KCNIP1: variants seen among roughly 807,000 people sequenced by gnomAD.
KCNIP1 encodes the protein A-type potassium channel modulatory protein KCNIP1.
A neutral mutation model predicts 33.0 loss-of-function variants in KCNIP1; 18 were observed. The ratio of observed to expected loss-of-function variants is 0.55; its 90% CI spans 0.38 to 0.81. The LOEUF is 0.81. Among genes scored for constraint, KCNIP1 ranks in the 30% least tolerant of loss-of-function variants. The pLI, the probability that KCNIP1 is intolerant of heterozygous loss-of-function variation, is 0.00. For synonymous variants in KCNIP1, 93 were observed against 98.3 expected (o/e 0.95, Z 0.32); for missense variants, 238 against 271.6 (o/e 0.88, Z 0.87).
At chr5:170,673,362 T>G (rs1292152572) in intron 1 of KCNIP1, among the ~76,000 whole-genome samples, 1 of 152,216 alleles carries the variant, frequency 6.6e-6, no homozygotes, top group African/African-American at 2.4e-5. Context: ...ATCTGTTAAG[T>G]GAGAGTGGTG....
chr5:170,602,017 T>TGA (rs774227238), intron 1 of KCNIP1, among the ~76,000 whole-genome samples: 28 of 152,202 alleles, frequency 1.8e-4, no homozygotes, highest in South Asian at 1.2e-3. Flanking sequence ...CCCTCTGGGG[T>TGA]GAGGCAGGAG....
Position 170,629,686 on chromosome 5 carries a change from G to A in KCNIP1, c.62-89072G>A, listed in dbSNP as rs374575168. 6.2e-4 allele frequency among the ~76,000 whole-genome samples: 94 copies of A among 152,138 alleles called. 1 individual carries two copies. The South Asian group carries it at 0.016, about 27-fold the overall frequency. ...ATCAGCATTCAGGCCTGGCCCTGAC[G>A]CCCTCCTCTCTGGGCCACCTTCACC... is the stretch of plus-strand genomic sequence containing the variant. On this transcript the variant is annotated intron_variant, in intron 1 of 7. Transcript: ENST00000328939.
At chr5:170,580,073 T>A (rs1453501305) in intron 1 of KCNIP1, among the ~76,000 whole-genome samples, 2 of 152,084 alleles carry the variant, frequency 1.3e-5, no homozygotes, top group Non-Finnish European at 2.9e-5. Context: ...ATTTTCTGAG[T>A]CTTTAAGGAA....
chr5:170,557,235 G>A (rs1756874010), intron 1 of KCNIP1, among the ~76,000 whole-genome samples: 1 of 152,222 alleles, frequency 6.6e-6, no homozygotes, highest in Admixed American at 6.5e-5. Flanking sequence ...ACAAATTCAT[G>A]CATTTAAAGG....
intron 1 of KCNIP1, among the ~76,000 whole-genome samples, chr5:170,649,659 T>C (rs887729395): frequency 1.3e-5 from 2 of 148,544 alleles, no homozygotes; most frequent in Admixed American, 6.8e-5. Context: ...AGCCTGAGCA[T>C]CATTTTCTAA....
chr5:170,538,400 TG>T (rs35063246), intron 1 of KCNIP1, among the ~76,000 whole-genome samples: 1 of 152,140 alleles, frequency 6.6e-6, no homozygotes, highest in African/African-American at 2.4e-5. Context: ...CCCTTTCCAA[TG>T]GGGTGGTGAG....
intron 1 of KCNIP1, among the ~76,000 whole-genome samples, chr5:170,535,015 C>A (rs1172689992): frequency 3.9e-5 from 6 of 152,262 alleles, no homozygotes; most frequent in South Asian, 2.1e-4. Context: ...GTTTTCATTT[C>A]TCATTAGCTG....
intron 1 of KCNIP1, among the ~76,000 whole-genome samples, chr5:170,525,264 A>G (rs569279050): frequency 6.6e-6 from 1 of 152,212 alleles, no homozygotes; most frequent in South Asian, 2.1e-4. Context: ...CTGGGTCCTC[A>G]CCCCTACTCC....
chr5:170,620,540 T>C (rs1244093421), intron 1 of KCNIP1, among the ~76,000 whole-genome samples: 1 of 152,326 alleles, frequency 6.6e-6, no homozygotes, highest in African/African-American at 2.4e-5. Flanking sequence ...GGGGAGGGGC[T>C]ACGCATCACA....
chr5:170,485,599 A>T (rs1384504077), intron 1 of KCNIP1, among the ~76,000 whole-genome samples: 1 of 152,160 alleles, frequency 6.6e-6, no homozygotes, highest in Non-Finnish European at 1.5e-5. Context: ...CTGAGTCTCC[A>T]CCAGGCCCAC....
intron 1 of KCNIP1, among the ~76,000 whole-genome samples, chr5:170,653,061 G>A (rs1761114759): frequency 6.6e-6 from 1 of 152,220 alleles, no homozygotes; most frequent in Non-Finnish European, 1.5e-5. Flanking sequence ...GGGAAGGAGC[G>A]AGGGTCTAGG....
intron 1 of KCNIP1, among the ~76,000 whole-genome samples, chr5:170,530,344 A>C (rs1354401309): frequency 6.6e-6 from 1 of 152,246 alleles, no homozygotes; most frequent in Non-Finnish European, 1.5e-5. Flanking sequence ...GGCTTTGCGT[A>C]ACTGCTCCTT....
chr5:170,499,819 G>T (rs1404275444), upstream of KCNIP1, among the ~76,000 whole-genome samples: 1 of 152,182 alleles, frequency 6.6e-6, no homozygotes, highest in Non-Finnish European at 1.5e-5. Flanking sequence ...GTTTTAACAG[G>T]ATTCCTGCAG....
intron 1 of KCNIP1, chr5:170,375,868 CGAG>C (rs1225789302): frequency 1.3e-5 from 2 of 152,152 alleles, no homozygotes; most frequent in Non-Finnish European, 2.9e-5. Flanking sequence ...GTTTTGCAAA[CGAG>C]GAAACAGGCA....
chr5:170,601,848 G>A (rs997451673), intron 1 of KCNIP1, among the ~76,000 whole-genome samples: 3 of 152,192 alleles, frequency 2.0e-5, no homozygotes, highest in African/African-American at 7.2e-5. Flanking sequence ...TCGAGCAGGG[G>A]CCTTTGAAGA....
chr5:170,378,899 GAATTTGGCTC>G (rs1415311581), intron 1 of KCNIP1: 1 of 1,614,246 alleles, frequency 6.2e-7, no homozygotes, highest in South Asian at 1.1e-5. Context: ...GCTGCTCTTG[GAATTTGGCTC>G]TGACCTTCTC....
At chr5:170,360,450 G>T (rs146025198) in intron 1 of KCNIP1, among the ~76,000 whole-genome samples, 2 of 152,314 alleles carry the variant, frequency 1.3e-5, no homozygotes, top group East Asian at 1.9e-4. Flanking sequence ...GATGGAATGA[G>T]ATGGGACATG....
intron 1 of KCNIP1, among the ~76,000 whole-genome samples, chr5:170,702,137 A>G (rs1763119560): frequency 6.6e-6 from 1 of 152,216 alleles, no homozygotes; most frequent in South Asian, 2.1e-4. Flanking sequence ...TTCCATTCAC[A>G]GCTCCATCCC....
chr5:170,373,457 G>C (rs1227529205), intron 1 of KCNIP1, among the ~76,000 whole-genome samples: 1 of 152,188 alleles, frequency 6.6e-6, no homozygotes. Context: ...AGGATCCTAA[G>C]AGCTTTGGTG....
Sources: gnomAD v4.1 joint callset for allele counts (sites outside exome capture counted in the v4.1 genomes callset) on GRCh38, gnomAD v4.1.1 for gene constraint, MANE v1.5 for transcripts, NCBI Gene and HGNC (gene_info 2026-07-23, HGNC 2026-07-21) for gene names.